PRKCQ: variants seen among roughly 807,000 people sequenced by gnomAD.
The protein encoded by PRKCQ is protein kinase C theta type.
A neutral mutation model predicts 91.2 loss-of-function variants in PRKCQ; 41 were observed. The ratio of observed to expected loss-of-function variants is 0.45; its 90% CI spans 0.35 to 0.58. The LOEUF (loss-of-function observed/expected upper bound fraction) is 0.58, where lower values mean the gene tolerates loss of function less well. Ranked by LOEUF, PRKCQ falls within the 20% of genes least tolerant of loss-of-function variation. The pLI is 0.00. For synonymous variants in PRKCQ, 307 were observed against 316.9 expected (o/e 0.97, Z 0.33); for missense variants, 673 against 896.5 (o/e 0.75, Z 3.18).
At chr10:6,572,228 T>A (rs1446097854) in intron 1 of PRKCQ, among the ~76,000 whole-genome samples, 1 of 152,140 alleles carries the variant, frequency 6.6e-6, no homozygotes, top group Non-Finnish European at 1.5e-5. Context: ...TTTCTTTAAT[T>A]TTTATTTTTA....
chr10:6,523,168 G>C (rs1242384744), intron 1 of PRKCQ, among the ~76,000 whole-genome samples: 1 of 152,128 alleles, frequency 6.6e-6, no homozygotes, highest in Non-Finnish European at 1.5e-5. Flanking sequence ...AGTAAGTATG[G>C]GCCAGGTGCA....
chr10:6,476,790 T>A (rs2130757125), intron 12 of PRKCQ, among the ~76,000 whole-genome samples: 1 of 152,300 alleles, frequency 6.6e-6, no homozygotes, highest in South Asian at 2.1e-4. Context: ...GGGAAAAGAT[T>A]ACAGGGAGCC....
At chr10:6,579,328 C>T (rs1841361976) in intron 1 of PRKCQ, among the ~76,000 whole-genome samples, 1 of 152,170 alleles carries the variant, frequency 6.6e-6, no homozygotes, top group African/African-American at 2.4e-5. Flanking sequence ...GCCTGTGCCA[C>T]TCCTGAATCA....
intron 16 of PRKCQ, 79 bp from the exon 17 acceptor site, chr10:6,431,017 GCACCAGCCCCTTCTTTT>G: frequency 6.0e-6 from 9 of 1,512,402 alleles, no homozygotes; most frequent in Non-Finnish European, 7.1e-6. Context: ...GCTTCCTGGT[GCACCAGCCCCTTCTTTT>G]CTAACCTCAT....
At chr10:6,416,508 C>G in the PRKCQ span, among the ~76,000 whole-genome samples, 1 of 152,200 alleles carries the variant, frequency 6.6e-6, no homozygotes, top group Non-Finnish European at 1.5e-5. Flanking sequence ...ATAATTGTCT[C>G]TAGCTCCATC....
chr10:6,430,595 G>A lies in PRKCQ; in HGVS notation c.1965+215C>T, dbSNP rs1032373176. Among the ~76,000 whole-genome samples the A allele has an allele frequency of 3.3e-5, 5 of 152,124 alleles. No homozygotes were observed. Among genetic ancestry groups the A allele is most frequent in the African/African-American group, 1.2e-4 (5 of 41,412 alleles). On this transcript the variant is annotated intron_variant, in intron 17 of 17. Coordinates refer to ENST00000263125, the MANE Select transcript of PRKCQ (RefSeq NM_006257.5). This position sits in a 1 kb window ranked among gnomAD's most constrained non-coding sequence, Gnocchi z 4.7. Reference sequence around the variant, plus strand: ...ATTCTTCATGCAGGCGCATCTTGACGACAGAGATTAAATTTTGCAAACAAG... The same window carrying A: ...ATTCTTCATGCAGGCGCATCTTGACAACAGAGATTAAATTTTGCAAACAAG...
chr10:6,450,774 A>C (rs1834624998), intron 15 of PRKCQ, among the ~76,000 whole-genome samples: 1 of 152,122 alleles, frequency 6.6e-6, no homozygotes, highest in African/African-American at 2.4e-5. Context: ...TAAGAAACTC[A>C]CTCAAAACTG....
At chr10:6,547,507 C>T (rs1029132379) in intron 1 of PRKCQ, among the ~76,000 whole-genome samples, 10 of 152,070 alleles carry the variant, frequency 6.6e-5, no homozygotes, top group African/African-American at 2.4e-4. Context: ...GTAACCAAAA[C>T]AGCATGGTAC....
the PRKCQ span, among the ~76,000 whole-genome samples, chr10:6,420,057 C>T: frequency 3.3e-5 from 5 of 151,754 alleles, no homozygotes; most frequent in South Asian, 4.2e-4. Flanking sequence ...GGTGCGATCT[C>T]GGCTCACTGC....
At position 6,516,824 on chromosome 10, in the gene PRKCQ, C is replaced by T. The variant is rs539716406; in HGVS notation, c.-9-1680G>A. ...CCCAGCAGGCGTCTGGGAAATGCTG[C>T]CCCAGGAAGAGAAGATGGAAACCTC... On this transcript the variant is annotated intron_variant, in intron 1 of 17. Transcript: ENST00000263125. Among the ~76,000 whole-genome samples, 205 of 152,180 alleles carry T rather than the reference C, an allele frequency of 1.3e-3. 1 individual carries two copies. The highest frequency in any genetic ancestry group is 4.7e-3 in the African/African-American group (194 of 41,518).
chr10:6,403,020 T>A, the PRKCQ span, among the ~76,000 whole-genome samples: 1 of 152,260 alleles, frequency 6.6e-6, no homozygotes, highest in Admixed American at 6.5e-5. Context: ...CCTCCCTGCT[T>A]CCTGTCCTCC....
rs147472357 is a variant in PRKCQ, at chr10:6,570,380, C to G, written c.-10+9831G>C. Reference sequence around the variant, plus strand: ...AAAAGGATATATATTCTTTTTTTCACAGAAGGAAGGGATTTAAGCGCACTT... The same window carrying G: ...AAAAGGATATATATTCTTTTTTTCAGAGAAGGAAGGGATTTAAGCGCACTT... On this transcript the variant is annotated intron_variant, in intron 1 of 17. Transcript: ENST00000263125. 2.4e-3 allele frequency among the ~76,000 whole-genome samples: 359 copies of G among 151,712 alleles called. 3 individuals carry two copies. Among genetic ancestry groups the G allele is most frequent in the African/African-American group, 8.4e-3 (345 of 41,296 alleles).
intron 13 of PRKCQ, among the ~76,000 whole-genome samples, chr10:6,463,263 G>A (rs1036362428): frequency 6.6e-6 from 1 of 152,148 alleles, no homozygotes; most frequent in Admixed American, 6.5e-5. Flanking sequence ...CCCATCACTG[G>A]TGGGATTAAG....
intron 15 of PRKCQ, among the ~76,000 whole-genome samples, chr10:6,454,304 G>T (rs895739782): frequency 6.6e-6 from 1 of 152,174 alleles, no homozygotes; most frequent in Non-Finnish European, 1.5e-5. Flanking sequence ...GAGGAAAGCA[G>T]ATGGAAGGGT....
At chr10:6,532,393 T>C (rs1216505727) in intron 1 of PRKCQ, among the ~76,000 whole-genome samples, 1 of 152,224 alleles carries the variant, frequency 6.6e-6, no homozygotes, top group Non-Finnish European at 1.5e-5. Context: ...ACTTGGTGAA[T>C]TTGTCCTGAG....
At chr10:6,477,638 G>C (rs535475404) in intron 12 of PRKCQ, among the ~76,000 whole-genome samples, 2 of 152,204 alleles carry the variant, frequency 1.3e-5, no homozygotes, top group South Asian at 4.1e-4. Flanking sequence ...GAGGCTGAGG[G>C]GGGTGGATCA....
chr10:6,561,437 C>T, intron 1 of PRKCQ, among the ~76,000 whole-genome samples: 1 of 148,394 alleles, frequency 6.7e-6, no homozygotes, highest in Middle Eastern at 3.6e-3. Context: ...ATAAGGGTAT[C>T]TTTTTGAACT....
At chr10:6,569,071 T>G (rs542639459) in intron 1 of PRKCQ, among the ~76,000 whole-genome samples, 1 of 152,310 alleles carries the variant, frequency 6.6e-6, no homozygotes, top group Non-Finnish European at 1.5e-5. Context: ...ATTCTTTTCC[T>G]CTAACACTTA....
intron 5 of PRKCQ, 123 bp downstream of exon 5, chr10:6,498,273 C>A (rs1837723262): frequency 7.8e-7 from 1 of 1,282,714 alleles, no homozygotes; most frequent in South Asian, 1.4e-5. Flanking sequence ...AGGTCCCTGA[C>A]AACGCTGAGG....
Sources: allele counts gnomAD v4.1 joint callset (sites outside exome capture counted in the v4.1 genomes callset), GRCh38; gene constraint gnomAD v4.1.1; non-coding constraint Gnocchi (gnomAD v3.1); transcripts MANE v1.5; gene names NCBI Gene and HGNC (gene_info 2026-07-23, HGNC 2026-07-21).